The following ELOF1 variants were observed in gnomAD, a reference collection of about 807,000 sequenced individuals.
ELOF1 encodes the protein elongation factor 1.
Under a neutral mutation model 7.1 loss-of-function variants are expected in ELOF1, and 4 were observed. The ratio of observed to expected loss-of-function variants is 0.56; its 90% CI spans 0.28 to 1.29. The LOEUF (loss-of-function observed/expected upper bound fraction) is 1.29, where lower values mean the gene tolerates loss of function less well. Ranked by LOEUF, ELOF1 falls within the 50% of genes most tolerant of loss-of-function variation. The probability of loss-of-function intolerance (pLI) is 0.10; values close to 1 mark genes in which losing one functional copy is unlikely to be tolerated. For synonymous variants in ELOF1, 31 were observed against 31.9 expected, an observed-to-expected ratio of 0.97 and a Z score of 0.09; for missense variants, 59 against 86.3, an observed-to-expected ratio of 0.68 and a Z score of 1.25.
At chr19:11,555,204 C>T in intron 1 of ELOF1, 1 of 221,296 alleles carries the variant, frequency 4.5e-6, no homozygotes, top group Non-Finnish European at 9.6e-6. Context: ...CTGCAGTGAG[C>T]CGAGATCGCA....
intron 1 of ELOF1, among the ~76,000 whole-genome samples, chr19:11,558,667 C>CA (rs994801794): frequency 1.3e-5 from 2 of 149,264 alleles, no homozygotes; most frequent in Admixed American, 1.3e-4. Context: ...GTCGAGGCTG[C>CA]AATGAGCTAT....
At chr19:11,553,329 T>C (rs527272777) in intron 3 of ELOF1, 10 of 441,478 alleles carry the variant, frequency 2.3e-5, no homozygotes, top group Admixed American at 7.4e-5. Flanking sequence ...CTAGTGGGCT[T>C]CCCTTGTCCA....
At chr19:11,553,700 G>A (rs1972775419) in intron 3 of ELOF1, 5 of 1,612,792 alleles carry the variant, frequency 3.1e-6, no homozygotes, top group Non-Finnish European at 4.2e-6. Flanking sequence ...CGAACAGCTG[G>A]ATCCACAGTA....
At position 11,554,489 on chromosome 19, in the gene ELOF1, G is replaced by T. The variant is rs1055103749; in HGVS notation, c.-18-124C>A. The T allele has an allele frequency of 8.1e-6, 11 of 1,362,354 alleles. No individual in the cohort carries two copies. In the African/African-American group the frequency reaches 1.6e-4, roughly 20 times the overall value. 84.4% of individuals were successfully genotyped at this position (1,362,354 alleles called of 1,614,324 possible). A position where few individuals can be genotyped will look rare whatever the true frequency, so the allele number is the denominator to read the frequency against. ...CCGTGGTCCCGGGGCCTCTGCCCTT[G>T]AGGGACGAGGCCCTCAGTCCTGATG... On this transcript the variant is annotated intron_variant, in intron 1 of 3. Coordinates refer to ENST00000586683, the Ensembl canonical transcript of ELOF1.
intron 1 of ELOF1, among the ~76,000 whole-genome samples, chr19:11,558,684 GC>G (rs1972869156): frequency 6.7e-6 from 1 of 148,422 alleles, no homozygotes; most frequent in African/African-American, 2.5e-5. Context: ...CTATGATCGC[GC>G]CACTGCACTC....
At chr19:11,557,305 G>A (rs1599620961) in intron 1 of ELOF1, among the ~76,000 whole-genome samples, 2 of 152,170 alleles carry the variant, frequency 1.3e-5, no homozygotes, top group South Asian at 2.1e-4. Context: ...AAGAGAGCAC[G>A]TGAGTTTGGG....
chr19:11,554,205 G>A (rs571553586), intron 2 of ELOF1, 27 bp downstream of exon 2: 1 of 1,613,054 alleles, frequency 6.2e-7, no homozygotes, highest in South Asian at 1.1e-5. Flanking sequence ...TGGGGAGGCT[G>A]GATCCCTTGC....
At chr19:11,553,600 C>G in intron 3 of ELOF1, 1 of 562,386 alleles carries the variant, frequency 1.8e-6, no homozygotes, top group Non-Finnish European at 2.8e-6. Context: ...CACACACACA[C>G]ACACACACAC....
chr19:11,554,672 T>TCA, intron 1 of ELOF1: 1 of 419,010 alleles, frequency 2.4e-6, no homozygotes, highest in South Asian at 6.0e-5. Context: ...GCATGGTGGC[T>TCA]CACACCTGTG....
intron 2 of ELOF1, 34 bp downstream of exon 2, chr19:11,554,198 G>A (rs746822654): frequency 1.9e-6 from 3 of 1,613,176 alleles, no homozygotes; most frequent in Admixed American, 1.7e-5. Context: ...GAGGCAGTGG[G>A]GAGGCTGGAT....
chr19:11,557,540 G>A (rs1356721502), intron 1 of ELOF1, among the ~76,000 whole-genome samples: 1 of 149,744 alleles, frequency 6.7e-6, no homozygotes, highest in South Asian at 2.1e-4. Flanking sequence ...AGGTTTCAGT[G>A]AGCTGAGATT....
At chr19:11,558,405 C>T (rs954173937) in intron 1 of ELOF1, among the ~76,000 whole-genome samples, 6 of 151,966 alleles carry the variant, frequency 3.9e-5, no homozygotes, top group Non-Finnish European at 5.9e-5. Flanking sequence ...CATGAGCCAC[C>T]GTGCCCAGCA....
chr19:11,553,647 AGGACCCACACCCT>A (rs1972773742), intron 3 of ELOF1: 1 of 1,318,400 alleles, frequency 7.6e-7, no homozygotes, highest in Admixed American at 1.9e-5. Context: ...GTGACAGCCC[AGGACCCACACCCT>A]GGACCCCTGG....
At chr19:11,555,263 A>G (rs1159034386) in intron 1 of ELOF1, 4 of 181,844 alleles carry the variant, frequency 2.2e-5, no homozygotes, top group Non-Finnish European at 4.7e-5. Flanking sequence ...TCTCAAAAAA[A>G]AAAAAAAAAA....
intron 1 of ELOF1, among the ~76,000 whole-genome samples, chr19:11,556,893 G>T (rs1442009870): frequency 6.6e-6 from 1 of 152,032 alleles, no homozygotes. Flanking sequence ...AAAACAATTT[G>T]TTCATTCTGC....
chr19:11,558,148 A>G (rs1972860124), intron 1 of ELOF1, among the ~76,000 whole-genome samples: 1 of 152,174 alleles, frequency 6.6e-6, no homozygotes, highest in South Asian at 2.1e-4. Flanking sequence ...CAGCAATTCC[A>G]TCTTTCCGGA....
chr19:11,557,594 T>TAAAA (rs56991908), intron 1 of ELOF1, among the ~76,000 whole-genome samples: 6 of 78,074 alleles, frequency 7.7e-5, no homozygotes, highest in East Asian at 3.9e-4. Context: ...AAACTTCATC[T>TAAAA]AAAAAAAAAA....
chr19:11,554,717 G>C (rs994638146), intron 1 of ELOF1: 1 of 308,660 alleles, frequency 3.2e-6, no homozygotes, highest in Non-Finnish European at 5.9e-6. Context: ...TAAGGTGAGA[G>C]GATTACTTGA....
exon 2 of ELOF1, chr19:11,554,357 T>G (rs1324247728): frequency 6.2e-7 from 1 of 1,613,332 alleles, no homozygotes; most frequent in South Asian, 1.1e-5. Flanking sequence ...TGTCTGCAGG[T>G]GGATGAGCCT....
Sources: gnomAD v4.1 joint callset for allele counts (sites outside exome capture counted in the v4.1 genomes callset) on GRCh38, gnomAD v4.1.1 for gene constraint, MANE v1.5 for transcripts, NCBI Gene and HGNC (gene_info 2026-07-23, HGNC 2026-07-21) for gene names.